EIF4G3: variants seen among roughly 807,000 people sequenced by gnomAD.
The protein encoded by EIF4G3 is eukaryotic translation initiation factor 4 gamma 3, also known as eIF-4-gamma 3.
Under a neutral mutation model 186.4 loss-of-function variants are expected in EIF4G3, and 34 were observed. That is an observed-to-expected ratio of 0.18 (90% CI 0.14 to 0.24). EIF4G3 has a LOEUF of 0.24. Among genes scored for constraint, EIF4G3 ranks in the 10% least tolerant of loss-of-function variants. EIF4G3 has a pLI of 1.00. For missense variants in EIF4G3, 1,536 were observed against 1,948.5 expected (o/e 0.79, Z 3.99); for synonymous variants, 673 against 679.5 (o/e 0.99, Z 0.15).
At chr1:20,881,981 T>C (rs967949122) in intron 19 of EIF4G3, among the ~76,000 whole-genome samples, 1 of 151,490 alleles carries the variant, frequency 6.6e-6, no homozygotes, top group African/African-American at 2.4e-5. Context: ...CTGAGCAACA[T>C]GGCGAAACCC....
chr1:21,007,227 G>A (rs1052444842), intron 4 of EIF4G3, among the ~76,000 whole-genome samples: 18 of 151,836 alleles, frequency 1.2e-4, no homozygotes, highest in East Asian at 1.9e-4. Context: ...GTGAAACCTC[G>A]TCTCTACTAA....
intron 14 of EIF4G3, among the ~76,000 whole-genome samples, chr1:20,937,024 G>A (rs2095538100): frequency 6.6e-6 from 1 of 152,134 alleles, no homozygotes; most frequent in Admixed American, 6.5e-5. Context: ...GGGTGTAGAA[G>A]GGTGTGCCAG....
At chr1:21,119,382 C>T (rs1312332501) in intron 2 of EIF4G3, among the ~76,000 whole-genome samples, 1 of 151,888 alleles carries the variant, frequency 6.6e-6, no homozygotes, top group Non-Finnish European at 1.5e-5. Context: ...GCTAAATTTC[C>T]TTTATAAAAT....
intron 2 of EIF4G3, among the ~76,000 whole-genome samples, chr1:21,101,378 GC>G (rs927583922): frequency 1.3e-5 from 2 of 151,844 alleles, no homozygotes; most frequent in African/African-American, 4.8e-5. Context: ...GACCAGCCTG[GC>G]CAACGTGGCA....
chr1:20,935,334 C>T (rs1403371996), intron 14 of EIF4G3, among the ~76,000 whole-genome samples: 1 of 151,906 alleles, frequency 6.6e-6, no homozygotes, highest in African/African-American at 2.4e-5. Flanking sequence ...CCTGGGAAAG[C>T]CTTTGGAAAC....
chr1:21,019,609 G>A (rs1332802374), intron 4 of EIF4G3, among the ~76,000 whole-genome samples: 2 of 152,214 alleles, frequency 1.3e-5, no homozygotes, highest in Non-Finnish European at 2.9e-5. Flanking sequence ...TCATCTCATA[G>A]AGCAAGAGAA....
intron 19 of EIF4G3, among the ~76,000 whole-genome samples, chr1:20,884,775 T>C (rs1247422676): frequency 6.6e-6 from 1 of 152,196 alleles, no homozygotes; most frequent in Non-Finnish European, 1.5e-5. Context: ...ATCTTCATCT[T>C]TGTTTTGTAT....
intron 4 of EIF4G3, among the ~76,000 whole-genome samples, chr1:21,014,530 T>C (rs1182333861): frequency 6.6e-6 from 1 of 152,174 alleles, no homozygotes; most frequent in East Asian, 1.9e-4. Flanking sequence ...CATCCATGTG[T>C]ACTCAGTGTT....
intron 4 of EIF4G3, among the ~76,000 whole-genome samples, chr1:21,019,357 A>G (rs1408166575): frequency 6.6e-6 from 1 of 152,228 alleles, no homozygotes; most frequent in Non-Finnish European, 1.5e-5. Flanking sequence ...TGAATTGTAA[A>G]CAATACTTGA....
chr1:21,115,342 T>A (rs2096798633), intron 2 of EIF4G3, among the ~76,000 whole-genome samples: 1 of 152,120 alleles, frequency 6.6e-6, no homozygotes, highest in African/African-American at 2.4e-5. Context: ...AGTGGAGCAA[T>A]CAGCACACAG....
chr1:21,046,957 A>C (rs940139882), intron 4 of EIF4G3, among the ~76,000 whole-genome samples: 2 of 152,210 alleles, frequency 1.3e-5, no homozygotes, highest in African/African-American at 2.4e-5. Context: ...AAATGCACTT[A>C]CTAAATTTAG....
At chr1:20,900,464 G>A (rs113990809) in intron 15 of EIF4G3, among the ~76,000 whole-genome samples, 4 of 148,004 alleles carry the variant, frequency 2.7e-5, no homozygotes, top group Admixed American at 1.4e-4. Flanking sequence ...TTTGTTATTC[G>A]TTCTTAGACT....
chr1:21,114,011 G>A (rs1241348947), intron 2 of EIF4G3, among the ~76,000 whole-genome samples: 1 of 152,086 alleles, frequency 6.6e-6, no homozygotes, highest in African/African-American at 2.4e-5. Flanking sequence ...GTGAGGCCCT[G>A]TCTCAATTTT....
rs200085032 is a variant in EIF4G3 at position 20,904,960 on chromosome 1, T to C, written c.1675A>G (p.Ile559Val). 233 of 1,613,550 alleles carry C rather than the reference T, an allele frequency of 1.4e-4. 2 individuals carry two copies. The Middle Eastern group carries it at 3.8e-3, about 26-fold the overall frequency. ...RRSPVPAQIAITVPKTWKKPK... is the reference protein window; with the variant it reads ...RRSPVPAQIAVTVPKTWKKPK... ...TTCTTCCATGTCTTTGGTACAGTTA[T>C]AGCTATTTGAGCTGAAATACAAGAT... is the stretch of plus-strand genomic sequence containing the variant. Residue 559 changes from isoleucine to valine, a missense_variant, in exon 15 of 37, where the codon ATA (isoleucine) becomes GTA (valine). By Grantham distance (29) the Ile-to-Val change is conservative. Coordinates refer to ENST00000602326, the MANE Select transcript of EIF4G3 (RefSeq NM_001391906.1).
At chr1:21,029,146 T>C (rs2092481619) in intron 4 of EIF4G3, among the ~76,000 whole-genome samples, 2 of 151,938 alleles carry the variant, frequency 1.3e-5, no homozygotes, top group South Asian at 4.1e-4. Flanking sequence ...GCCTCCCGAG[T>C]AGCTGAAACC....
intron 14 of EIF4G3, among the ~76,000 whole-genome samples, chr1:20,930,701 G>T (rs1279842017): frequency 6.6e-6 from 1 of 152,074 alleles, no homozygotes; most frequent in Non-Finnish European, 1.5e-5. Context: ...GCCTAGCCAG[G>T]CTCCACTTCT....
chr1:21,151,619 A>G (rs1218893988), intron 2 of EIF4G3, among the ~76,000 whole-genome samples: 1 of 152,094 alleles, frequency 6.6e-6, no homozygotes, highest in African/African-American at 2.4e-5. Context: ...GCATGTTTCA[A>G]AAGGTTTACT....
intron 30 of EIF4G3, among the ~76,000 whole-genome samples, chr1:20,833,988 T>G (rs552143928): frequency 1.3e-5 from 2 of 152,252 alleles, no homozygotes; most frequent in Non-Finnish European, 1.5e-5. Flanking sequence ...ATAAGAAATC[T>G]TTCAAAAAAG....
chr1:21,147,780 G>T (rs569491433), intron 2 of EIF4G3, among the ~76,000 whole-genome samples: 11 of 151,948 alleles, frequency 7.2e-5, no homozygotes, highest in African/African-American at 2.7e-4. Context: ...AACTAAAATC[G>T]TCTATCATTT....
Sources: gnomAD v4.1 joint callset for allele counts (sites outside exome capture counted in the v4.1 genomes callset) on GRCh38, gnomAD v4.1.1 for gene constraint, MANE v1.5 for transcripts, NCBI Gene and HGNC (gene_info 2026-07-23, HGNC 2026-07-21) for gene names.